The following LYN variants were observed in gnomAD, a reference collection of about 807,000 sequenced individuals.
LYN encodes tyrosine-protein kinase Lyn.
A neutral mutation model predicts 65.0 loss-of-function variants in LYN; 12 were observed. That is an observed-to-expected ratio of 0.18 (90% CI 0.12 to 0.30). LYN has a LOEUF of 0.30. Ranked by LOEUF, LYN falls within the 10% of genes least tolerant of loss-of-function variation. The pLI is 1.00. For missense variants in LYN, 380 were observed against 623.2 expected, an observed-to-expected ratio of 0.61 and a Z score of 4.16; for synonymous variants, 222 against 221.2, an observed-to-expected ratio of 1.00 and a Z score of -0.03.
rs749463299 is a variant in LYN at position 56,003,062 on chromosome 8, G to GTT, written c.1336+3527_1336+3528dup. On this transcript the variant is annotated intron_variant, in intron 12 of 12. Transcript: ENST00000519728. ...ACTGCTGGCTATGTTTTTGTTTTTT[G>GTT]TTTTTTTTTTTTTTTGAGACAGAAT... Among the ~76,000 whole-genome samples the GTT allele has an allele frequency of 3.7e-4, 51 of 136,830 alleles. No homozygotes were observed. The East Asian group carries it at 3.8e-3, about 10-fold the overall frequency. 89.8% of individuals were successfully genotyped at this position (136,830 alleles called of 152,430 possible). A position where few individuals can be genotyped will look rare whatever the true frequency, so the allele number is the denominator to read the frequency against.
chr8:55,906,223 C>G (rs1585581797), intron 1 of LYN, among the ~76,000 whole-genome samples: 1 of 152,038 alleles, frequency 6.6e-6, no homozygotes, highest in African/African-American at 2.4e-5. Flanking sequence ...TATGAACATG[C>G]TTTGATAAAG....
At chr8:55,938,835 G>A (rs73606879) in intron 1 of LYN, among the ~76,000 whole-genome samples, 4,175 of 152,288 alleles carry the variant, frequency 0.027, 118 homozygotes, top group African/African-American at 0.072. Context: ...TTAGACTTGA[G>A]AGCGCACTCC....
intron 1 of LYN, among the ~76,000 whole-genome samples, chr8:55,913,977 A>G (rs1037212318): frequency 1.6e-4 from 24 of 152,162 alleles, no homozygotes; most frequent in African/African-American, 5.1e-4. Flanking sequence ...TGACTTGCTA[A>G]GCTCTATCAG....
At chr8:55,932,328 A>G (rs1287593932) in intron 1 of LYN, among the ~76,000 whole-genome samples, 1 of 152,242 alleles carries the variant, frequency 6.6e-6, no homozygotes, top group Non-Finnish European at 1.5e-5. Context: ...ACAGATTAAT[A>G]TAGTTCTAAG....
intron 1 of LYN, among the ~76,000 whole-genome samples, chr8:55,885,279 G>A (rs909670447): frequency 2.6e-5 from 4 of 152,208 alleles, no homozygotes; most frequent in African/African-American, 9.7e-5. Flanking sequence ...CTGCTTTTGG[G>A]TTGTAGAACA....
chr8:55,892,010 A>C (rs1804975505), intron 1 of LYN, among the ~76,000 whole-genome samples: 1 of 152,262 alleles, frequency 6.6e-6, no homozygotes, highest in Admixed American at 6.5e-5. Context: ...TGGATTACAA[A>C]GTAAGGAGAA....
At chr8:55,906,266 T>C (rs905652749) in intron 1 of LYN, among the ~76,000 whole-genome samples, 2 of 152,142 alleles carry the variant, frequency 1.3e-5, no homozygotes, top group Non-Finnish European at 2.9e-5. Context: ...CAGTGGCTCA[T>C]GCCTGTAATA....
intron 1 of LYN, among the ~76,000 whole-genome samples, chr8:55,890,151 A>G (rs1404854736): frequency 1.3e-5 from 2 of 151,362 alleles, no homozygotes; most frequent in African/African-American, 2.4e-5. Context: ...ATAAATAAAA[A>G]CAAATAAAAA....
At chr8:55,898,525 G>A (rs1316072050) in intron 1 of LYN, among the ~76,000 whole-genome samples, 1 of 152,188 alleles carries the variant, frequency 6.6e-6, no homozygotes, top group African/African-American at 2.4e-5. Context: ...CTGGACTCAA[G>A]TGATTCACCT....
chr8:55,977,760 A>G, intron 10 of LYN, among the ~76,000 whole-genome samples: 1 of 151,800 alleles, frequency 6.6e-6, no homozygotes, highest in East Asian at 1.9e-4. Context: ...CCAAAAAAAA[A>G]AAAAAAAAAA....
chr8:55,880,219 C>G (rs1398975796), intron 1 of LYN, 116 bp downstream of exon 1: 1 of 154,534 alleles, frequency 6.5e-6, no homozygotes, highest in African/African-American at 2.4e-5. Context: ...GGGCCGGGGG[C>G]ATCGGCGCGG....
intron 1 of LYN, among the ~76,000 whole-genome samples, chr8:55,897,236 A>G (rs1365589664): frequency 6.6e-6 from 1 of 152,238 alleles, no homozygotes; most frequent in East Asian, 1.9e-4. Flanking sequence ...ACTTTGATTC[A>G]TGTGACGCCT....
intron 12 of LYN, among the ~76,000 whole-genome samples, chr8:56,003,928 C>CTTTTTTTTT (rs1213079280): frequency 7.6e-5 from 8 of 104,694 alleles, no homozygotes; most frequent in Non-Finnish European, 1.4e-4. Context: ...ATATTTTATT[C>CTTTTTTTTT]TTTTTTTTTT....
At position 55,950,724 on chromosome 8, in the gene LYN, C is replaced by A; in HGVS notation, c.427C>A (p.Leu143Ile). 1 of 1,614,088 alleles carries A rather than the reference C, an allele frequency of 6.2e-7. No individual in the cohort carries two copies. The highest frequency in any genetic ancestry group is 8.5e-7 in the Non-Finnish European group (1 of 1,179,956). The change falls in exon 6 of 13, where the codon CTT becomes ATT. Residue 143 changes from leucine to isoleucine, a missense_variant. Around this residue, in one of 2 missense-constraint regions of LYN, gnomAD observed 157 missense variants for 193.2 expected, o/e 0.81. Transcript: ENST00000519728. ...AACCAGGAAGGACGCAGAAAGGCAGCTTTTGGCACCAGGAAATAGCGCTGG... is the reference window on the plus strand; with the variant it reads ...AACCAGGAAGGACGCAGAAAGGCAGATTTTGGCACCAGGAAATAGCGCTGG... ...DITRKDAERQ[L>I]LAPGNSAGAF... is the part of the protein sequence containing the mutation.
chr8:55,986,015 CA>C (rs1172851824), intron 10 of LYN, among the ~76,000 whole-genome samples: 1 of 152,044 alleles, frequency 6.6e-6, no homozygotes, highest in East Asian at 1.9e-4. Context: ...AAAAAATAAA[CA>C]AAATTAGTTG....
Position 55,950,483 on chromosome 8 carries a change from G to A in LYN, c.309G>A (p.Lys103=). ...LEEHGEWWKA[K]SLLTKKEGFI... ...GGCATGGAGAATGGTGGAAAGCAAA[G>A]TCCCTTTTAACAAAAAAAGAAGGCT... is the stretch of plus-strand genomic sequence containing the variant. The change falls in exon 5 of 13, where the codon AAG becomes AAA. Residue 103 remains lysine (K), a synonymous_variant. Coordinates refer to ENST00000519728, the MANE Select transcript of LYN (RefSeq NM_002350.4). 6.2e-7 allele frequency: 1 copy of A among 1,612,856 alleles called. No individual in the cohort carries two copies. The highest frequency in any genetic ancestry group is 8.5e-7 in the Non-Finnish European group (1 of 1,179,700).
intron 10 of LYN, among the ~76,000 whole-genome samples, chr8:55,983,398 G>A (rs1179292500): frequency 6.6e-6 from 1 of 152,090 alleles, no homozygotes; most frequent in Non-Finnish European, 1.5e-5. Flanking sequence ...CCTCACTTCT[G>A]CACTTCCCAT....
chr8:55,995,307 C>G (rs994197691), intron 10 of LYN, among the ~76,000 whole-genome samples: 1 of 152,200 alleles, frequency 6.6e-6, no homozygotes, highest in South Asian at 2.1e-4. Flanking sequence ...TGAATCTTTT[C>G]CAGGGTCAGG....
chr8:55,920,188 G>C (rs1048518311), intron 1 of LYN, among the ~76,000 whole-genome samples: 1 of 152,130 alleles, frequency 6.6e-6, no homozygotes, highest in Admixed American at 6.6e-5. Flanking sequence ...CTGAAACCTG[G>C]ACCACTAGAA....
Sources: gnomAD v4.1 joint callset for allele counts (sites outside exome capture counted in the v4.1 genomes callset) on GRCh38, gnomAD v4.1.1 for gene constraint, gnomAD v4.1.1 regional missense constraint, MANE v1.5 for transcripts, NCBI Gene and HGNC (gene_info 2026-07-23, HGNC 2026-07-21) for gene names.